The following SPOCK3 variants were observed in gnomAD, a reference collection of about 807,000 sequenced individuals.
SPOCK3 encodes the protein SPARC (osteonectin), cwcv and kazal like domains proteoglycan 3.
SPOCK3 carries 30 observed loss-of-function variants against 56.6 expected under a neutral mutation model. The ratio of observed to expected loss-of-function variants is 0.53; its 90% CI spans 0.40 to 0.72. SPOCK3 has a LOEUF of 0.72. Among genes scored for constraint, SPOCK3 ranks in the 30% least tolerant of loss-of-function variants. The pLI is 0.00. For missense variants in SPOCK3, 527 were observed against 530.0 expected (o/e 0.99, Z 0.06); for synonymous variants, 196 against 183.3 (o/e 1.07, Z -0.56).
intron 4 of SPOCK3, among the ~76,000 whole-genome samples, chr4:166,961,230 G>A (rs7679090): frequency 0.052 from 7,723 of 149,244 alleles, 645 homozygotes; most frequent in African/African-American, 0.18. Context: ...CTTTAAATAC[G>A]TGAGTCTTAC....
intron 2 of SPOCK3, among the ~76,000 whole-genome samples, chr4:167,067,637 T>C (rs900728310): frequency 1.3e-5 from 2 of 151,824 alleles, no homozygotes; most frequent in Admixed American, 6.6e-5. Context: ...CAGGATTTCA[T>C]ATAAGACCTC....
chr4:166,799,646 CTGTAGTTGAGA>C (rs1742334372), intron 6 of SPOCK3, among the ~76,000 whole-genome samples: 2 of 152,100 alleles, frequency 1.3e-5, no homozygotes, highest in Non-Finnish European at 2.9e-5. Context: ...ACCAACAAGC[CTGTAGTTGAGA>C]TGGCAAACAA....
intron 3 of SPOCK3, among the ~76,000 whole-genome samples, chr4:167,004,455 G>A (rs1027373669): frequency 2.6e-5 from 4 of 152,190 alleles, no homozygotes; most frequent in Non-Finnish European, 4.4e-5. Context: ...GGAGATGGAA[G>A]CTTCTTAGCC....
At chr4:167,044,507 A>G (rs1753540200) in intron 3 of SPOCK3, among the ~76,000 whole-genome samples, 2 of 151,916 alleles carry the variant, frequency 1.3e-5, no homozygotes, top group Non-Finnish European at 2.9e-5. Context: ...AGCCTGTAAG[A>G]CTGATTTTAG....
intron 3 of SPOCK3, among the ~76,000 whole-genome samples, chr4:167,024,648 T>C (rs559399525): frequency 9.9e-5 from 15 of 152,014 alleles, no homozygotes; most frequent in Non-Finnish European, 2.1e-4. Flanking sequence ...TAAGACATTA[T>C]GCAGTCCCAA....
intron 4 of SPOCK3, among the ~76,000 whole-genome samples, chr4:166,996,414 T>C (rs1748385252): frequency 2.0e-5 from 3 of 152,252 alleles, no homozygotes; most frequent in Non-Finnish European, 1.5e-5. Context: ...GTTCACAATA[T>C]ACAAAAACAA....
intron 3 of SPOCK3, among the ~76,000 whole-genome samples, chr4:167,006,779 G>T (rs751173917): frequency 2.6e-5 from 4 of 151,470 alleles, no homozygotes; most frequent in Admixed American, 2.0e-4. Flanking sequence ...TTTTAATTCC[G>T]CCTCTTTTCC....
At chr4:166,742,377 A>T (rs1734964601) in intron 8 of SPOCK3, among the ~76,000 whole-genome samples, 2 of 152,148 alleles carry the variant, frequency 1.3e-5, no homozygotes, top group African/African-American at 4.8e-5. Flanking sequence ...TGGATTTTTT[A>T]AAAGTATAAA....
chr4:167,109,212 TTATA>T (rs1415771573), intron 2 of SPOCK3, among the ~76,000 whole-genome samples: 1 of 82,254 alleles, frequency 1.2e-5, no homozygotes, highest in Non-Finnish European at 2.1e-5. Flanking sequence ...TAAAAATATA[TTATA>T]TATAGTATAT....
chr4:166,831,726 A>G (rs1195980415), intron 6 of SPOCK3, among the ~76,000 whole-genome samples: 3 of 139,820 alleles, frequency 2.1e-5, no homozygotes, highest in East Asian at 2.1e-4. Context: ...TTTCGAAAAC[A>G]TCTTTCGGTA....
chr4:166,767,452 T>C (rs915635399), intron 7 of SPOCK3, among the ~76,000 whole-genome samples: 2 of 152,180 alleles, frequency 1.3e-5, no homozygotes, highest in Non-Finnish European at 2.9e-5. Context: ...ATGTACCCAG[T>C]AGTCATTCAG....
rs547886845 is a variant in SPOCK3 at position 166,789,200 on chromosome 4, C to T, written c.709+2970G>A. Among the ~76,000 whole-genome samples, 10 of 152,026 alleles carry T rather than the reference C, an allele frequency of 6.6e-5. No individual in the cohort carries two copies. The South Asian group carries it at 1.2e-3, about 19-fold the overall frequency. Reference sequence around the variant, plus strand: ...ATCCCACCACTTTGGGAAGCCAAGGCGGGCAGATCACCTGAGGTCAGGAGT... The same window carrying T: ...ATCCCACCACTTTGGGAAGCCAAGGTGGGCAGATCACCTGAGGTCAGGAGT... On this transcript the variant is annotated intron_variant, in intron 7 of 10. Coordinates refer to ENST00000357545, the MANE Select transcript of SPOCK3 (RefSeq NM_001040159.2).
intron 3 of SPOCK3, among the ~76,000 whole-genome samples, chr4:167,021,178 T>C (rs1264140980): frequency 6.6e-6 from 1 of 152,028 alleles, no homozygotes; most frequent in Non-Finnish European, 1.5e-5. Context: ...AAAAATCAAA[T>C]GTTTCTTCCA....
intron 3 of SPOCK3, among the ~76,000 whole-genome samples, chr4:167,015,010 T>C (rs1472418602): frequency 3.9e-5 from 6 of 151,950 alleles, no homozygotes; most frequent in African/African-American, 1.4e-4. Flanking sequence ...TTAAAAGCCT[T>C]TTAAATCAAC....
chr4:167,132,131 T>A (rs1230120490), intron 2 of SPOCK3, among the ~76,000 whole-genome samples: 2 of 152,230 alleles, frequency 1.3e-5, no homozygotes, highest in Non-Finnish European at 2.9e-5. Context: ...AAAAGTTTTG[T>A]ATTTTTCACC....
chr4:166,846,285 T>G (rs1748054744), intron 6 of SPOCK3, among the ~76,000 whole-genome samples: 1 of 152,086 alleles, frequency 6.6e-6, no homozygotes, highest in African/African-American at 2.4e-5. Context: ...AGCAAAAAAA[T>G]GTTTAGTATG....
chr4:166,955,743 C>A (rs1331255053), intron 4 of SPOCK3, among the ~76,000 whole-genome samples: 2 of 150,396 alleles, frequency 1.3e-5, no homozygotes, highest in Non-Finnish European at 3.0e-5. Context: ...TTCTTTCTTG[C>A]TCTAATCCAA....
intron 5 of SPOCK3, among the ~76,000 whole-genome samples, chr4:166,891,076 C>A (rs968749789): frequency 7.2e-5 from 11 of 151,786 alleles, no homozygotes; most frequent in African/African-American, 2.7e-4. Flanking sequence ...GATTGCAACC[C>A]CTTCTTTTTT....
intron 7 of SPOCK3, among the ~76,000 whole-genome samples, chr4:166,765,579 G>C (rs1737899177): frequency 2.0e-5 from 3 of 152,150 alleles, no homozygotes; most frequent in African/African-American, 7.2e-5. Context: ...ATGCTGTTTT[G>C]GTTACTGTAG....
Sources: allele counts gnomAD v4.1 joint callset (sites outside exome capture counted in the v4.1 genomes callset), GRCh38; gene constraint gnomAD v4.1.1; transcripts MANE v1.5; gene names NCBI Gene and HGNC (gene_info 2026-07-23, HGNC 2026-07-21).